GAPVD1: variants seen among roughly 807,000 people sequenced by gnomAD.
GAPVD1 encodes the protein GTPase activating protein and VPS9 domains 1.
In GAPVD1, 35 loss-of-function variants were observed where a neutral mutation model predicts 155.5. The ratio of observed to expected loss-of-function variants is 0.23; its 90% confidence interval spans 0.17 to 0.30. The LOEUF is 0.30. Among genes scored for constraint, GAPVD1 ranks in the 10% least tolerant of loss-of-function variants. GAPVD1 has a pLI of 1.00. For synonymous variants in GAPVD1, 636 were observed against 619.7 expected, an observed-to-expected ratio of 1.03 and a Z score of -0.39; for missense variants, 1,429 against 1,775.7, an observed-to-expected ratio of 0.80 and a Z score of 3.51.
chr9:125,286,370 T>C (rs1837703462), intron 2 of GAPVD1, among the ~76,000 whole-genome samples: 1 of 152,092 alleles, frequency 6.6e-6, no homozygotes, highest in Non-Finnish European at 1.5e-5. Context: ...TCTTAAACTC[T>C]TGGGCTTAAG....
intron 8 of GAPVD1, among the ~76,000 whole-genome samples, chr9:125,312,217 C>T (rs1842766947): frequency 6.6e-6 from 1 of 152,198 alleles, no homozygotes. Flanking sequence ...CTGTCAGATG[C>T]ACTTGGATCA....
chr9:125,310,946 T>A (rs1307375684), intron 8 of GAPVD1, among the ~76,000 whole-genome samples: 1 of 151,916 alleles, frequency 6.6e-6, no homozygotes, highest in African/African-American at 2.4e-5. Flanking sequence ...TTCAAGTGAT[T>A]CTCCTACCTC....
chr9:125,323,930 T>G lies in GAPVD1; in HGVS notation c.1858+7T>G. The stretch of plus-strand genomic sequence containing the variant: ...CTGTTAGAACATGAGCAAGGTAAAG[T>G]GAAGTTGAACACAGTTGCCTAAGTA... On this transcript the variant is annotated splice_region_variant and intron_variant, in intron 11 of 27. Coordinates refer to ENST00000297933, the MANE Select transcript of GAPVD1 (RefSeq NM_001282680.3). 1 of 1,611,968 alleles carries G rather than the reference T, an allele frequency of 6.2e-7. No homozygotes were observed. Among genetic ancestry groups the G allele is most frequent in the Non-Finnish European group, 8.5e-7 (1 of 1,179,106 alleles).
intron 25 of GAPVD1, among the ~76,000 whole-genome samples, chr9:125,357,845 C>A (rs1280811826): frequency 6.6e-6 from 1 of 151,822 alleles, no homozygotes; most frequent in Non-Finnish European, 1.5e-5. Flanking sequence ...CATGATGGCT[C>A]ACACCTGTCA....
In GAPVD1 at chr9:125,346,883, G is replaced by A; in HGVS notation, c.3111G>A (p.Arg1037=). ...CTGAGGATATTCTGGACAAATACAGGAATGCCATTAAACGGACCAGCCCCA... is the reference window on the plus strand; with the variant it reads ...CTGAGGATATTCTGGACAAATACAGAAATGCCATTAAACGGACCAGCCCCA... ...QVAEDILDKY[R]NAIKRTSPSD... The change falls in exon 20 of 28, where the codon AGG becomes AGA. Residue 1037 remains arginine, a synonymous_variant. Coordinates refer to ENST00000297933, the MANE Select transcript of GAPVD1 (RefSeq NM_001282680.3). 1 of 1,613,620 alleles carries A rather than the reference G, an allele frequency of 6.2e-7. No individual in the cohort carries two copies.
At chr9:125,335,245 G>A (rs764973933) in intron 15 of GAPVD1, 11 of 762,450 alleles carry the variant, frequency 1.4e-5, no homozygotes, top group African/African-American at 3.4e-5. Flanking sequence ...GAATCCAGCT[G>A]TCTTCTAGTA....
intron 2 of GAPVD1, among the ~76,000 whole-genome samples, chr9:125,275,753 C>A (rs1835678505): frequency 6.6e-6 from 1 of 151,954 alleles, no homozygotes; most frequent in South Asian, 2.1e-4. Flanking sequence ...GAGACTCTTT[C>A]TCAAAAGAAA....
intron 18 of GAPVD1, 25 bp from the exon 19 acceptor site, chr9:125,342,194 A>G (rs1847924229): frequency 8.7e-7 from 1 of 1,149,292 alleles, no homozygotes. Context: ...TATATGTCAC[A>G]CTACTGACTT....
chr9:125,301,522 C>A (rs556940796), intron 4 of GAPVD1, among the ~76,000 whole-genome samples: 1 of 151,760 alleles, frequency 6.6e-6, no homozygotes, highest in Non-Finnish European at 1.5e-5. Context: ...GATTGCAGCT[C>A]ACTGCAACCT....
chr9:125,361,395 G>A (rs980906569), intron 27 of GAPVD1, among the ~76,000 whole-genome samples: 2 of 151,880 alleles, frequency 1.3e-5, no homozygotes, highest in Admixed American at 6.6e-5. Context: ...AAAATTACAG[G>A]CTCCTGTAAT....
rs1445243358 is a variant in GAPVD1 at position 125,337,061 on chromosome 9, G to C, written c.2472G>C (p.Leu824=). The part of the protein sequence containing the change: ...LTSPPSQSES[L]LAMFDPLSSH... ...CTCCTCCTTCTCAGTCAGAGTCTCT[G>C]CTGGCCATGTTTGATCCACTGTCTT... Residue 824 remains leucine, a synonymous_variant, in exon 16 of 28, where the codon CTG becomes CTC. Coordinates refer to ENST00000297933, the MANE Select transcript of GAPVD1 (RefSeq NM_001282680.3). 12 of 1,613,220 alleles carry C rather than the reference G, an allele frequency of 7.4e-6. No homozygotes were observed. The highest frequency in any genetic ancestry group is 1.3e-5 in the African/African-American group (1 of 74,880).
chr9:125,354,119 G>C (rs578215390), intron 23 of GAPVD1, among the ~76,000 whole-genome samples: 37 of 152,268 alleles, frequency 2.4e-4, no homozygotes, highest in African/African-American at 8.9e-4. Context: ...CCAGTCCCCT[G>C]CTCATGATTA....
chr9:125,355,825 C>T lies in GAPVD1; in HGVS notation c.3939C>T (p.Tyr1313=). ...ACCGGATTTTCAAGCTCGCCTTCTA[C>T]CCTAATCAAGATGGGGACATACTTC... ...VMNRIFKLAF[Y]PNQDGDILRD... is the part of the protein sequence containing the mutation. The change falls in exon 25 of 28, where the codon TAC becomes TAT. Residue 1313 remains tyrosine, a synonymous_variant. Transcript: ENST00000297933. 1.2e-6 allele frequency: 2 copies of T among 1,610,130 alleles called. No individual in the cohort carries two copies. The highest frequency in any genetic ancestry group is 1.7e-6 in the Non-Finnish European group (2 of 1,176,418).
chr9:125,346,863 G>T lies in GAPVD1; in HGVS notation c.3091G>T (p.Asp1031Tyr), dbSNP rs1369382872. 3 of 1,614,000 alleles carry T rather than the reference G, an allele frequency of 1.9e-6. No individual in the cohort carries two copies. Among genetic ancestry groups the T allele is most frequent in the Admixed American group, 3.3e-5 (2 of 60,026 alleles). ...RLSAQAQVAEDILDKYRNAIK... is the reference protein window; with the variant it reads ...RLSAQAQVAEYILDKYRNAIK... ...CAGTGCACAAGCTCAGGTGGCTGAG[G>T]ATATTCTGGACAAATACAGGAATGC... Residue 1031 changes from aspartate (D) to tyrosine (Y), a missense_variant, in exon 20 of 28, where the codon GAT becomes TAT. Transcript: ENST00000297933.
chr9:125,334,201 A>T (rs1189650437), intron 15 of GAPVD1, among the ~76,000 whole-genome samples: 1 of 151,936 alleles, frequency 6.6e-6, no homozygotes, highest in Non-Finnish European at 1.5e-5. Flanking sequence ...GTGCATAGGC[A>T]AAGTGGATAA....
intron 17 of GAPVD1, among the ~76,000 whole-genome samples, chr9:125,338,222 G>A (rs1276554549): frequency 2.6e-5 from 4 of 152,092 alleles, no homozygotes; most frequent in African/African-American, 9.7e-5. Flanking sequence ...CAAACAAGTT[G>A]GAAGTACAAT....
intron 22 of GAPVD1, 82 bp from the exon 23 acceptor site, chr9:125,350,631 T>C (rs1193707902): frequency 4.8e-6 from 4 of 835,496 alleles, no homozygotes; most frequent in South Asian, 3.3e-5. Context: ...CAAAGCAGAA[T>C]TGACGTCCCA....
chr9:125,323,052 A>G (rs1300595905), intron 10 of GAPVD1, among the ~76,000 whole-genome samples: 1 of 132,904 alleles, frequency 7.5e-6, no homozygotes, highest in Non-Finnish European at 1.6e-5. Context: ...GACTCTCTCT[A>G]AAAAAAAAAA....
At chr9:125,268,003 A>C (rs1397428115) in intron 1 of GAPVD1, among the ~76,000 whole-genome samples, 1 of 152,064 alleles carries the variant, frequency 6.6e-6, no homozygotes, top group Non-Finnish European at 1.5e-5. Context: ...TCTCTACTAA[A>C]AATACAAAAA....
Sources: gnomAD v4.1 joint callset for allele counts (sites outside exome capture counted in the v4.1 genomes callset) on GRCh38, gnomAD v4.1.1 for gene constraint, MANE v1.5 for transcripts, NCBI Gene and HGNC (gene_info 2026-07-23, HGNC 2026-07-21) for gene names.